Variants in TNKS2 observed in about 807,000 individuals in gnomAD.
TNKS2 encodes the protein tankyrase 2.
TNKS2 carries 72 observed loss-of-function variants against 137.6 expected under a neutral mutation model. That is an observed-to-expected ratio of 0.52 (90% CI 0.43 to 0.64). The LOEUF (loss-of-function observed/expected upper bound fraction) is 0.64. Among genes scored for constraint, TNKS2 ranks in the 30% least tolerant of loss-of-function variants. The pLI is 0.00. For synonymous variants in TNKS2, 516 were observed against 512.1 expected (o/e 1.01, Z -0.10); for missense variants, 1,049 against 1,410.2 (o/e 0.74, Z 4.10).
chr10:91,814,268 A>C (rs925399155), intron 2 of TNKS2, among the ~76,000 whole-genome samples: 2 of 152,292 alleles, frequency 1.3e-5, no homozygotes, highest in East Asian at 1.9e-4. Context: ...TGTAAAAAAA[A>C]ATTTTTTTGA....
intron 21 of TNKS2, among the ~76,000 whole-genome samples, chr10:91,851,994 C>T (rs546475182): frequency 4.9e-4 from 74 of 152,212 alleles, no homozygotes; most frequent in African/African-American, 1.4e-3. Context: ...TTTGGGAGGC[C>T]GATGCAGGTG....
In TNKS2 at chr10:91,863,953, C is replaced by T. The variant is rs572002387; in HGVS notation, c.*954C>T. On this transcript the variant is annotated 3_prime_UTR_variant, in exon 27 of 27. Transcript: ENST00000371627. ...GGAAGGGTAATCCTAAATCATTTCC[C>T]AATCTATTCTAATTACCTTAAATCT... is the stretch of plus-strand genomic sequence containing the variant. The T allele has an allele frequency of 6.6e-6, 1 of 152,000 alleles. No homozygotes were observed. The highest frequency in any genetic ancestry group is 1.9e-4 in the East Asian group (1 of 5,186). 9.4% of individuals were successfully genotyped at this position (152,000 alleles called of 1,614,324 possible).
chr10:91,798,967 C>T, intron 1 of TNKS2, 78 bp downstream of exon 1: 2 of 1,269,586 alleles, frequency 1.6e-6, no homozygotes, highest in Non-Finnish European at 2.0e-6. Flanking sequence ...GAAACCAGTG[C>T]TCCTCCGCCT....
At chr10:91,828,486 T>G in intron 9 of TNKS2, 80 bp downstream of exon 9, 3 of 1,313,104 alleles carry the variant, frequency 2.3e-6, no homozygotes, top group Non-Finnish European at 3.0e-6. Flanking sequence ...CTTTTAGAAC[T>G]AGCATTTTTT....
chr10:91,830,877 C>G lies in TNKS2; in HGVS notation c.1105-46C>G, dbSNP rs762938679. The G allele has an allele frequency of 4.6e-5, 64 of 1,406,264 alleles. No individual in the cohort carries two copies. The African/African-American group carries it at 5.8e-4, about 13-fold the overall frequency. The allele number at this position is 1,406,264 out of a possible 1,614,324, so 87.1% of individuals were successfully genotyped here. A position where few individuals can be genotyped will look rare whatever the true frequency, so the allele number is the denominator to read the frequency against. On this transcript the variant is annotated intron_variant, in intron 9 of 26. Coordinates refer to ENST00000371627, the MANE Select transcript of TNKS2 (RefSeq NM_025235.4). ...TTGGAAACACGAATGTTCTTAAAAT[C>G]AGTTATGTATAGTCCTTGATTAATG... is the stretch of plus-strand genomic sequence containing the variant.
rs1841907990 is a variant in TNKS2 at position 91,833,967 on chromosome 10, C to T, written c.1390C>T (p.Leu464Phe). ...TGGGTGTGATCCTAACATTATATCC[C>T]TTCAGGGCTTTACTGCTTTACAGAT... ...SYGCDPNIIS[L>F]QGFTALQMGN... The change falls in exon 12 of 27, where the codon CTT (leucine) becomes TTT (phenylalanine). Residue 464 changes from leucine to phenylalanine, a missense_variant. Transcript: ENST00000371627. The T allele has an allele frequency of 6.2e-7, 1 of 1,613,140 alleles. No homozygotes were observed.
intron 11 of TNKS2, among the ~76,000 whole-genome samples, chr10:91,833,125 C>T (rs1319211100): frequency 6.6e-6 from 1 of 152,108 alleles, no homozygotes; most frequent in Non-Finnish European, 1.5e-5. Context: ...CTAGTATATA[C>T]ACCTATGTAA....
At chr10:91,862,242 T>C (rs1209120365) in intron 26 of TNKS2, 87 bp downstream of exon 26, 3 of 1,079,236 alleles carry the variant, frequency 2.8e-6, no homozygotes, top group East Asian at 2.9e-5. Context: ...ACAAGACATA[T>C]TGCCTTAACT....
At chr10:91,857,620 T>G (rs1485851064) in intron 24 of TNKS2, 90 bp downstream of exon 24, 1 of 643,172 alleles carries the variant, frequency 1.6e-6, no homozygotes, top group Non-Finnish European at 2.5e-6. Flanking sequence ...GCCTGTATAT[T>G]CTTTATGTCA....
At chr10:91,846,522 C>T (rs1180551872) in intron 18 of TNKS2, among the ~76,000 whole-genome samples, 1 of 152,206 alleles carries the variant, frequency 6.6e-6, no homozygotes, top group Admixed American at 6.5e-5. Flanking sequence ...ACTGAACCTT[C>T]CACCTCTGCT....
At chr10:91,810,920 CTTTTTTT>C (rs35240102) in intron 1 of TNKS2, among the ~76,000 whole-genome samples, 5 of 50,124 alleles carry the variant, frequency 1.0e-4, no homozygotes, top group Non-Finnish European at 1.6e-4. Context: ...CTTTTCTTTT[CTTTTTTT>C]TTTTTTTTTT....
Position 91,798,719 on chromosome 10 carries a change from G to C in TNKS2, c.29G>C (p.Gly10Ala). 8.1e-7 allele frequency: 1 copy of C among 1,239,938 alleles called. No homozygotes were observed. Among genetic ancestry groups the C allele is most frequent in the Non-Finnish European group, 1.0e-6 (1 of 987,912 alleles). The allele number at this position is 1,239,938 out of a possible 1,614,324, so 76.8% of individuals were successfully genotyped here. MSGRRCAGG[G>A]AACASAAAEA... Reference sequence around the variant, plus strand: ...TCGGGTCGCCGCTGCGCCGGCGGGGGAGCGGCCTGCGCGAGCGCCGCGGCC... The same window carrying C: ...TCGGGTCGCCGCTGCGCCGGCGGGGCAGCGGCCTGCGCGAGCGCCGCGGCC... The change falls in exon 1 of 27, where the codon GGA (glycine) becomes GCA (alanine). Residue 10 changes from glycine (G) to alanine (A), a missense_variant. Transcript: ENST00000371627.
chr10:91,822,832 A>G (rs1844939915), intron 7 of TNKS2, among the ~76,000 whole-genome samples: 1 of 152,086 alleles, frequency 6.6e-6, no homozygotes, highest in Admixed American at 6.5e-5. Context: ...TGCTGGGATT[A>G]CAGCCATGAG....
chr10:91,819,465 C>CT lies in TNKS2; in HGVS notation c.558-10dup, dbSNP rs776873814. On this transcript the variant is annotated splice_polypyrimidine_tract_variant and intron_variant, in intron 4 of 26. Transcript: ENST00000371627. The stretch of plus-strand genomic sequence containing the variant: ...TGATGAAGAATGCAAATTACTAATA[C>CT]TTTTTTTGTATTCTAGGAGTGGCAA... 1 of 1,556,376 alleles carries CT rather than the reference C, an allele frequency of 6.4e-7. No individual in the cohort carries two copies. The highest frequency in any genetic ancestry group is 8.6e-7 in the Non-Finnish European group (1 of 1,156,554).
At chr10:91,854,246 G>A (rs935986864) in intron 21 of TNKS2, among the ~76,000 whole-genome samples, 6 of 152,136 alleles carry the variant, frequency 3.9e-5, no homozygotes, top group African/African-American at 1.2e-4. Flanking sequence ...AAAGGGCTGC[G>A]TAGTTAGTAA....
At chr10:91,804,267 C>T (rs1032524265) in intron 1 of TNKS2, among the ~76,000 whole-genome samples, 2 of 152,178 alleles carry the variant, frequency 1.3e-5, no homozygotes, top group African/African-American at 4.8e-5. Context: ...AGACACTGAC[C>T]TTGTCCCTGA....
intron 23 of TNKS2, 101 bp downstream of exon 23, chr10:91,855,789 T>G: frequency 9.3e-6 from 7 of 756,222 alleles, no homozygotes; most frequent in Non-Finnish European, 1.4e-5. Context: ...GCCTGGTAAG[T>G]CCTTGACTTG....
chr10:91,835,596 T>C (rs1299126014), intron 12 of TNKS2, among the ~76,000 whole-genome samples: 49 of 111,246 alleles, frequency 4.4e-4, no homozygotes, highest in Middle Eastern at 4.3e-3. Context: ...GCCTTTCTTT[T>C]TTTTTTTTTT....
At chr10:91,808,095 G>A (rs1339688522) in intron 1 of TNKS2, among the ~76,000 whole-genome samples, 1 of 151,832 alleles carries the variant, frequency 6.6e-6, no homozygotes, top group Non-Finnish European at 1.5e-5. Context: ...AATCCCTGTT[G>A]TATGGAGCTT....
Sources: allele counts gnomAD v4.1 joint callset (sites outside exome capture counted in the v4.1 genomes callset), GRCh38; gene constraint gnomAD v4.1.1; transcripts MANE v1.5; gene names NCBI Gene and HGNC (gene_info 2026-07-23, HGNC 2026-07-21).